Variants in RABGAP1L observed in about 807,000 individuals in gnomAD.
RABGAP1L encodes rab GTPase-activating protein 1-like.
In RABGAP1L, 63 loss-of-function variants were observed where a neutral mutation model predicts 137.7. The observed-to-expected ratio is 0.46, with a 90% CI of 0.37 to 0.56. The LOEUF is 0.56. RABGAP1L is among the 20% of genes least tolerant of loss of function. The pLI, the probability that RABGAP1L is intolerant of heterozygous loss-of-function variation, is 0.00. For missense variants in RABGAP1L, 1,095 were observed against 1,244.0 expected, an observed-to-expected ratio of 0.88 and a Z score of 1.80; for synonymous variants, 431 against 433.7, an observed-to-expected ratio of 0.99 and a Z score of 0.08.
At chr1:174,339,911 A>G (rs1221521871) in intron 11 of RABGAP1L, among the ~76,000 whole-genome samples, 1 of 152,136 alleles carries the variant, frequency 6.6e-6, no homozygotes, top group Non-Finnish European at 1.5e-5. Context: ...CCTTGAATGT[A>G]AAAATATTTT....
chr1:174,433,544 A>C (rs1157885347), intron 13 of RABGAP1L, among the ~76,000 whole-genome samples: 2 of 152,200 alleles, frequency 1.3e-5, no homozygotes, highest in East Asian at 3.9e-4. Flanking sequence ...GATCTCAGCT[A>C]GCTAGGGCAG....
intron 16 of RABGAP1L, among the ~76,000 whole-genome samples, chr1:174,700,130 A>G (rs998564062): frequency 5.3e-5 from 8 of 152,196 alleles, no homozygotes; most frequent in East Asian, 3.8e-4. Flanking sequence ...CCTAATCTCA[A>G]TGTTGTTGTT....
chr1:174,958,320 A>G lies in RABGAP1L; in HGVS notation c.2433+771A>G, dbSNP rs995961066. 19 of 748,564 alleles carry G rather than the reference A, an allele frequency of 2.5e-5. No homozygotes were observed. The East Asian group carries it at 5.2e-4, about 21-fold the overall frequency. The allele number at this position is 748,564 out of a possible 1,614,324, so 46.4% of individuals were successfully genotyped here. A position where few individuals can be genotyped will look rare whatever the true frequency, so the allele number is the denominator to read the frequency against. On this transcript the variant is annotated intron_variant, in intron 20 of 25. Coordinates refer to ENST00000681986, the MANE Select transcript of RABGAP1L (RefSeq NM_001366446.1). The stretch of plus-strand genomic sequence containing the variant: ...CGTTCGTTAATTGTGAATCTCTTCA[A>G]TGGTAATTAGCAACACTGTTCCCAG...
chr1:174,241,470 T>G lies in RABGAP1L; in HGVS notation c.543-13T>G, dbSNP rs1671823944. 1.4e-6 allele frequency: 2 copies of G among 1,479,500 alleles called. No individual in the cohort carries two copies. The highest frequency in any genetic ancestry group is 1.8e-6 in the Non-Finnish European group (2 of 1,102,780). 91.6% of individuals were successfully genotyped at this position (1,479,500 alleles called of 1,614,324 possible). On this transcript the variant is annotated splice_polypyrimidine_tract_variant and intron_variant, in intron 4 of 25. Transcript: ENST00000681986. ...ATTAATATTTTATCTAACTTTTCATTACTGTTCTACAGAATTATAGACCAA... is the reference window on the plus strand; with the variant it reads ...ATTAATATTTTATCTAACTTTTCATGACTGTTCTACAGAATTATAGACCAA...
rs144081972 is a variant in RABGAP1L at position 174,658,725 on chromosome 1, C to T, written c.1824+21237C>T. On this transcript the variant is annotated intron_variant, in intron 14 of 25. Coordinates refer to ENST00000681986, the MANE Select transcript of RABGAP1L (RefSeq NM_001366446.1). The stretch of plus-strand genomic sequence containing the variant: ...GGTCTGACACTCCACACCAGGCCAC[C>T]CCTGTGTGAATGTTCTATCTTGCTC... 2.5e-4 allele frequency among the ~76,000 whole-genome samples: 38 copies of T among 152,144 alleles called. No homozygotes were observed. The Middle Eastern group carries it at 0.01, about 41-fold the overall frequency.
chr1:174,375,065 T>C (rs1258922185), intron 12 of RABGAP1L, among the ~76,000 whole-genome samples: 1 of 152,104 alleles, frequency 6.6e-6, no homozygotes, highest in African/African-American at 2.4e-5. Flanking sequence ...GGTGAGAATG[T>C]TTGGGAAAGG....
intron 1 of RABGAP1L, among the ~76,000 whole-genome samples, chr1:174,190,301 C>CAAAAAAAA (rs57629149): frequency 3.3e-5 from 3 of 90,226 alleles, no homozygotes; most frequent in Non-Finnish European, 2.4e-5. Context: ...GACTCCGTTG[C>CAAAAAAAA]AAAAAAAAAA....
intron 14 of RABGAP1L, among the ~76,000 whole-genome samples, chr1:174,663,174 C>T (rs1209636929): frequency 6.6e-6 from 1 of 152,180 alleles, no homozygotes; most frequent in Non-Finnish European, 1.5e-5. Context: ...CACTGACTCA[C>T]CCAGAGCAAC....
At chr1:174,532,121 T>G (rs1159555310) in intron 13 of RABGAP1L, among the ~76,000 whole-genome samples, 1 of 151,938 alleles carries the variant, frequency 6.6e-6, no homozygotes, top group Non-Finnish European at 1.5e-5. Context: ...GAAAGGAAAA[T>G]TCCAACTCGA....
chr1:174,783,435 AC>A (rs934954757), intron 18 of RABGAP1L, among the ~76,000 whole-genome samples: 2 of 151,884 alleles, frequency 1.3e-5, no homozygotes, highest in African/African-American at 4.8e-5. Flanking sequence ...AAGAACAAAG[AC>A]CCACCCTGCC....
At chr1:174,621,229 C>T (rs914417810) in intron 13 of RABGAP1L, among the ~76,000 whole-genome samples, 2 of 152,162 alleles carry the variant, frequency 1.3e-5, no homozygotes, top group Non-Finnish European at 2.9e-5. Context: ...GAAGAACATT[C>T]CATGCTCATG....
chr1:174,411,252 T>TAGGA (rs1416347051), intron 13 of RABGAP1L, among the ~76,000 whole-genome samples: 1 of 152,106 alleles, frequency 6.6e-6, no homozygotes, highest in Non-Finnish European at 1.5e-5. Context: ...TTGCTCTGGG[T>TAGGA]AGGACTTCCA....
chr1:174,920,159 G>A (rs949878058), intron 19 of RABGAP1L, among the ~76,000 whole-genome samples: 5 of 152,212 alleles, frequency 3.3e-5, no homozygotes, highest in Admixed American at 1.3e-4. Flanking sequence ...CCTAACTACT[G>A]TATTAGTCCA....
intron 1 of RABGAP1L, among the ~76,000 whole-genome samples, chr1:174,216,198 G>A (rs1341496624): frequency 6.6e-6 from 1 of 152,076 alleles, no homozygotes; most frequent in African/African-American, 2.4e-5. Context: ...TAATAGGTAT[G>A]AAAAAATAAT....
intron 13 of RABGAP1L, among the ~76,000 whole-genome samples, chr1:174,611,213 A>G (rs1333276797): frequency 1.4e-5 from 2 of 146,548 alleles, no homozygotes; most frequent in Non-Finnish European, 3.0e-5. Context: ...TCTTTTATCC[A>G]TCTTGAATTA....
At chr1:174,292,019 T>TTTATTATTATTA (rs60906954) in intron 10 of RABGAP1L, among the ~76,000 whole-genome samples, 11,882 of 138,930 alleles carry the variant, frequency 0.086, 828 homozygotes, top group African/African-American at 0.18. Context: ...GATTAGATCA[T>TTTATTATTATTA]TTATTATTAT....
intron 1 of RABGAP1L, among the ~76,000 whole-genome samples, chr1:174,173,658 T>C (rs541613317): frequency 3.3e-5 from 5 of 152,200 alleles, no homozygotes; most frequent in Admixed American, 1.3e-4. Context: ...CGTTTTTTTT[T>C]CAACAAGTAT....
intron 18 of RABGAP1L, among the ~76,000 whole-genome samples, chr1:174,767,450 A>G (rs756483565): frequency 3.3e-5 from 5 of 151,746 alleles, no homozygotes; most frequent in Non-Finnish European, 7.4e-5. Flanking sequence ...GCTTGATGCT[A>G]TTGTGAATTG....
intron 13 of RABGAP1L, among the ~76,000 whole-genome samples, chr1:174,516,115 A>C (rs933997995): frequency 7.5e-6 from 1 of 133,776 alleles, no homozygotes; most frequent in African/African-American, 2.9e-5. Flanking sequence ...TGAAAACTGA[A>C]GCTCTACACA....
Sources: gnomAD v4.1 joint callset for allele counts (sites outside exome capture counted in the v4.1 genomes callset) on GRCh38, gnomAD v4.1.1 for gene constraint, MANE v1.5 for transcripts, NCBI Gene and HGNC (gene_info 2026-07-23, HGNC 2026-07-21) for gene names.